EDN1: variants seen among roughly 807,000 people sequenced by gnomAD.
EDN1 encodes the protein endothelin-1.
A neutral mutation model predicts 21.7 loss-of-function variants in EDN1; 11 were observed. The observed-to-expected ratio is 0.51, with a 90% CI of 0.32 to 0.84. EDN1 has a LOEUF of 0.84. Ranked by LOEUF, EDN1 falls within the 40% of genes least tolerant of loss-of-function variation. EDN1 has a pLI of 0.03. For synonymous variants in EDN1, 85 were observed against 90.6 expected (o/e 0.94, Z 0.35); for missense variants, 244 against 262.3 (o/e 0.93, Z 0.48).
chr6:12,263,083 C>T, the EDN1 span, among the ~76,000 whole-genome samples: 1 of 152,092 alleles, frequency 6.6e-6, no homozygotes, highest in Admixed American at 6.5e-5. Flanking sequence ...GAAGACAGCT[C>T]TATCATCTTA....
the EDN1 span, among the ~76,000 whole-genome samples, chr6:12,258,980 A>G: frequency 6.6e-6 from 1 of 152,208 alleles, no homozygotes; most frequent in Non-Finnish European, 1.5e-5. Flanking sequence ...AAAAATGTTA[A>G]TGACATTTAT....
Position 12,294,417 on chromosome 6 carries a change from G to C in EDN1, c.533+13G>C. ...TAAGACAAACCAGGTAAGAGGGAAG[G>C]AAGAAAAATTAGGTAAGAGGTTCAC... On this transcript the variant is annotated intron_variant, in intron 4 of 4. Coordinates refer to ENST00000379375, the MANE Select transcript of EDN1 (RefSeq NM_001955.5). 1 of 1,613,740 alleles carries C rather than the reference G, an allele frequency of 6.2e-7. No individual in the cohort carries two copies. The highest frequency in any genetic ancestry group is 8.5e-7 in the Non-Finnish European group (1 of 1,179,782).
chr6:12,239,954 T>C, the EDN1 span, among the ~76,000 whole-genome samples: 1 of 151,914 alleles, frequency 6.6e-6, no homozygotes, highest in East Asian at 1.9e-4. Flanking sequence ...AATAGCATGA[T>C]AAAAGGAGTG....
chr6:12,236,742 G>A, the EDN1 span, among the ~76,000 whole-genome samples: 2 of 148,140 alleles, frequency 1.4e-5, no homozygotes, highest in Admixed American at 1.3e-4. Context: ...GTCCAAGTAT[G>A]TTTCTAATTA....
chr6:12,290,644 C>G lies in EDN1; in HGVS notation c.15C>G (p.Leu5=). 6.2e-7 allele frequency: 1 copy of G among 1,614,176 alleles called. No homozygotes were observed. The highest frequency in any genetic ancestry group is 8.5e-7 in the Non-Finnish European group (1 of 1,180,012). The stretch of plus-strand genomic sequence containing the variant: ...TTTTTTTCAGAATGGATTATTTGCT[C>G]ATGATTTTCTCTCTGCTGTTTGTGG... MDYL[L]MIFSLLFVAC... Residue 5 remains leucine, a synonymous_variant, in exon 1 of 5, where the codon CTC becomes CTG. Transcript: ENST00000379375.
the EDN1 span, among the ~76,000 whole-genome samples, chr6:12,284,720 AAAGG>A: frequency 0.019 from 2,415 of 127,466 alleles, 41 homozygotes; most frequent in Non-Finnish European, 0.025. Context: ...AGAAAGAAGG[AAAGG>A]AAGGAAGGAA....
chr6:12,258,449 C>CAAAGAA, the EDN1 span, among the ~76,000 whole-genome samples: 1 of 63,658 alleles, frequency 1.6e-5, no homozygotes, highest in Non-Finnish European at 3.1e-5. Flanking sequence ...GATCATGTCT[C>CAAAGAA]AAAAAAAAAA....
the EDN1 span, among the ~76,000 whole-genome samples, chr6:12,241,806 A>T: frequency 2.9e-4 from 44 of 152,258 alleles, no homozygotes; most frequent in African/African-American, 8.7e-4. Context: ...TAGGTGGTTT[A>T]TCTTCAGTAA....
chr6:12,295,816 G>T, intron 4 of EDN1, 146 bp from the exon 5 acceptor site: 1 of 738,880 alleles, frequency 1.4e-6, no homozygotes, highest in South Asian at 1.6e-5. Flanking sequence ...ATCACTTGAG[G>T]TTTTATCAAA....
At chr6:12,243,972 T>A in the EDN1 span, among the ~76,000 whole-genome samples, 2 of 152,176 alleles carry the variant, frequency 1.3e-5, no homozygotes, top group African/African-American at 4.8e-5. Flanking sequence ...ATTAGAGATG[T>A]TATCTCACTG....
chr6:12,294,808 T>A (rs1245827928), intron 4 of EDN1, among the ~76,000 whole-genome samples: 1 of 151,808 alleles, frequency 6.6e-6, no homozygotes, highest in Non-Finnish European at 1.5e-5. Context: ...CAAAGTGTCA[T>A]GGATAATCAA....
upstream of EDN1, among the ~76,000 whole-genome samples, chr6:12,287,968 C>T (rs542465827): frequency 2.5e-4 from 38 of 152,140 alleles, 1 homozygote; most frequent in African/African-American, 8.4e-4. Context: ...ATGACACAGA[C>T]GGGGCGTGGT....
the EDN1 span, among the ~76,000 whole-genome samples, chr6:12,285,166 T>C: frequency 6.6e-6 from 1 of 152,190 alleles, no homozygotes; most frequent in East Asian, 1.9e-4. Flanking sequence ...TTATTTTCTC[T>C]TAGTCTAATT....
chr6:12,232,530 C>G, the EDN1 span, among the ~76,000 whole-genome samples: 1 of 152,096 alleles, frequency 6.6e-6, no homozygotes, highest in Non-Finnish European at 1.5e-5. Context: ...ATGTAGCAAT[C>G]TTGTATTTTC....
the EDN1 span, among the ~76,000 whole-genome samples, chr6:12,275,802 C>CATGTGT: frequency 2.0e-5 from 3 of 147,162 alleles, no homozygotes; most frequent in Admixed American, 6.8e-5. Flanking sequence ...TTGGGGGCAC[C>CATGTGT]GTGTGTGTGT....
At chr6:12,273,604 C>CT in the EDN1 span, among the ~76,000 whole-genome samples, 50,447 of 83,272 alleles carry the variant, frequency 0.61, 17,517 homozygotes, top group South Asian at 0.74. Context: ...GTAGGCAGGA[C>CT]TTTTTTTTTT....
At chr6:12,249,696 G>C in the EDN1 span, among the ~76,000 whole-genome samples, 1 of 151,970 alleles carries the variant, frequency 6.6e-6, no homozygotes, top group Non-Finnish European at 1.5e-5. Context: ...GTACATCCTG[G>C]AGTGAAGGAA....
upstream of EDN1, among the ~76,000 whole-genome samples, chr6:12,285,504 G>T (rs1762548433): frequency 6.6e-6 from 1 of 151,848 alleles, no homozygotes; most frequent in Admixed American, 6.6e-5. Flanking sequence ...TGATGGAACT[G>T]TGGTGAGCAT....
At chr6:12,274,724 G>A in the EDN1 span, among the ~76,000 whole-genome samples, 4 of 152,200 alleles carry the variant, frequency 2.6e-5, no homozygotes, top group Admixed American at 6.5e-5. Context: ...GAGCTAGTCA[G>A]ACGTCCCATT....
Sources: gnomAD v4.1 joint callset for allele counts (sites outside exome capture counted in the v4.1 genomes callset) on GRCh38, gnomAD v4.1.1 for gene constraint, MANE v1.5 for transcripts, NCBI Gene and HGNC (gene_info 2026-07-23, HGNC 2026-07-21) for gene names.